Variants in CTNND2 observed in about 807,000 individuals in gnomAD.
CTNND2 encodes catenin delta-2.
A neutral mutation model predicts 144.4 loss-of-function variants in CTNND2; 22 were observed. The observed-to-expected ratio is 0.15, with a 90% CI of 0.11 to 0.22. CTNND2 has a LOEUF of 0.22. Ranked by LOEUF, CTNND2 falls within the 10% of genes least tolerant of loss-of-function variation. CTNND2 has a pLI of 1.00. For missense variants in CTNND2, 1,353 were observed against 1,618.8 expected, an observed-to-expected ratio of 0.84 and a Z score of 2.82; for synonymous variants, 751 against 695.6, an observed-to-expected ratio of 1.08 and a Z score of -1.25.
intron 8 of CTNND2, among the ~76,000 whole-genome samples, chr5:11,360,079 G>C (rs1476247775): frequency 6.6e-6 from 1 of 152,070 alleles, no homozygotes; most frequent in Non-Finnish European, 1.5e-5. Flanking sequence ...ATTACAAAAA[G>C]GTAGACAGTA....
chr5:11,135,364 T>C (rs1756027502), intron 12 of CTNND2, among the ~76,000 whole-genome samples: 1 of 152,210 alleles, frequency 6.6e-6, no homozygotes, highest in South Asian at 2.1e-4. Context: ...ATATAATTAC[T>C]CTTATTATCC....
intron 1 of CTNND2, among the ~76,000 whole-genome samples, chr5:11,735,528 G>A (rs942720818): frequency 6.6e-6 from 1 of 152,210 alleles, no homozygotes; most frequent in Non-Finnish European, 1.5e-5. Context: ...TATGCAAGGT[G>A]ATATGGTTTG....
intron 12 of CTNND2, among the ~76,000 whole-genome samples, chr5:11,135,386 T>G (rs964591146): frequency 7.2e-5 from 11 of 152,204 alleles, no homozygotes; most frequent in Non-Finnish European, 1.5e-4. Context: ...TCATTTTATA[T>G]GTGCTGAAAT....
chr5:11,825,652 C>T (rs1007524078), intron 1 of CTNND2, among the ~76,000 whole-genome samples: 3 of 151,978 alleles, frequency 2.0e-5, no homozygotes, highest in Non-Finnish European at 4.4e-5. Context: ...AATTCTGTTG[C>T]TTTTATCATT....
intron 9 of CTNND2, among the ~76,000 whole-genome samples, chr5:11,253,484 T>G (rs894627574): frequency 6.6e-6 from 1 of 152,150 alleles, no homozygotes; most frequent in Non-Finnish European, 1.5e-5. Context: ...TTTGTAGCAG[T>G]TTTCCCCTTT....
intron 3 of CTNND2, among the ~76,000 whole-genome samples, chr5:11,421,186 C>T (rs1033188112): frequency 6.6e-6 from 1 of 152,156 alleles, no homozygotes; most frequent in African/African-American, 2.4e-5. Flanking sequence ...ATCACCATGA[C>T]AACAACTGGA....
intron 2 of CTNND2, among the ~76,000 whole-genome samples, chr5:11,700,176 T>A (rs1443933153): frequency 6.6e-6 from 1 of 151,990 alleles, no homozygotes; most frequent in Non-Finnish European, 1.5e-5. Context: ...TCATTTAAGG[T>A]CAGGAGTTAA....
intron 2 of CTNND2, among the ~76,000 whole-genome samples, chr5:11,709,782 A>C (rs997068319): frequency 6.6e-6 from 1 of 152,222 alleles, no homozygotes; most frequent in African/African-American, 2.4e-5. Context: ...GATTTTGTAC[A>C]AAACATTTCT....
Position 11,397,221 on chromosome 5 carries a change from T to C in CTNND2, c.440-18A>G, listed in dbSNP as rs1430387597. ...GCTGGGCCCTGCATTGAAAGTCATT[T>C]AGAGCAGTCAGTGACAGTCTCAGTG... On this transcript the variant is annotated intron_variant, in intron 5 of 21. Transcript: ENST00000304623. 1 of 1,611,190 alleles carries C rather than the reference T, an allele frequency of 6.2e-7. No homozygotes were observed. The highest frequency in any genetic ancestry group is 1.1e-5 in the South Asian group (1 of 90,930).
intron 2 of CTNND2, among the ~76,000 whole-genome samples, chr5:11,591,059 T>G (rs887533647): frequency 6.6e-6 from 1 of 152,230 alleles, no homozygotes; most frequent in Non-Finnish European, 1.5e-5. Flanking sequence ...TGCCTGTCTT[T>G]CCTGTTAATG....
At chr5:11,024,917 GC>G (rs1742659426) in intron 16 of CTNND2, among the ~76,000 whole-genome samples, 1 of 152,160 alleles carries the variant, frequency 6.6e-6, no homozygotes, top group African/African-American at 2.4e-5. Context: ...CCCCTGCAGA[GC>G]AGCCTCTTCC....
chr5:11,709,645 T>C (rs1399792010), intron 2 of CTNND2, among the ~76,000 whole-genome samples: 4 of 152,106 alleles, frequency 2.6e-5, no homozygotes, highest in African/African-American at 9.7e-5. Flanking sequence ...CAGAAAGCAA[T>C]AAGAGCAGTG....
chr5:11,766,121 C>A (rs553845247), intron 1 of CTNND2, among the ~76,000 whole-genome samples: 1 of 152,118 alleles, frequency 6.6e-6, no homozygotes, highest in African/African-American at 2.4e-5. Flanking sequence ...ATTGTTTGCA[C>A]CAAATAATTA....
intron 2 of CTNND2, among the ~76,000 whole-genome samples, chr5:11,627,900 A>T (rs1781236574): frequency 6.6e-6 from 1 of 151,274 alleles, no homozygotes; most frequent in Admixed American, 6.6e-5. Context: ...CGCACAACCT[A>T]GATCCCTCAC....
At chr5:11,554,654 T>C (rs952119251) in intron 3 of CTNND2, among the ~76,000 whole-genome samples, 1 of 152,146 alleles carries the variant, frequency 6.6e-6, no homozygotes, top group Non-Finnish European at 1.5e-5. Flanking sequence ...GCAATTATTA[T>C]TATTAAAATT....
intron 6 of CTNND2, among the ~76,000 whole-genome samples, chr5:11,392,563 C>T (rs1759728672): frequency 6.6e-6 from 1 of 152,170 alleles, no homozygotes; most frequent in African/African-American, 2.4e-5. Context: ...TACACCCTCT[C>T]TGCCATGAGA....
chr5:11,146,326 G>T (rs1757240426), intron 12 of CTNND2, among the ~76,000 whole-genome samples: 1 of 152,158 alleles, frequency 6.6e-6, no homozygotes, highest in Non-Finnish European at 1.5e-5. Context: ...ATCTAGGGGA[G>T]GGGGCAGACT....
intron 2 of CTNND2, among the ~76,000 whole-genome samples, chr5:11,690,190 A>G (rs1784830318): frequency 6.6e-6 from 1 of 152,258 alleles, no homozygotes; most frequent in Non-Finnish European, 1.5e-5. Context: ...ATGTGATGGA[A>G]GAGAATAGAA....
chr5:11,679,341 T>C (rs1221150363), intron 2 of CTNND2, among the ~76,000 whole-genome samples: 1 of 152,218 alleles, frequency 6.6e-6, no homozygotes, highest in Non-Finnish European at 1.5e-5. Flanking sequence ...GGCCTTGTGC[T>C]AAACCCTACA....
Sources: gnomAD v4.1 joint callset for allele counts (sites outside exome capture counted in the v4.1 genomes callset) on GRCh38, gnomAD v4.1.1 for gene constraint, MANE v1.5 for transcripts, NCBI Gene and HGNC (gene_info 2026-07-23, HGNC 2026-07-21) for gene names.